MAPK9: variants seen among roughly 807,000 people sequenced by gnomAD.
MAPK9 encodes the protein mitogen-activated protein kinase 9.
A neutral mutation model predicts 57.1 loss-of-function variants in MAPK9; 30 were observed. The ratio of observed to expected loss-of-function variants is 0.53; its 90% CI spans 0.39 to 0.71. The LOEUF is 0.71. MAPK9 is among the 30% of genes least tolerant of loss of function. MAPK9 has a pLI of 0.00. For missense variants in MAPK9, 362 were observed against 521.0 expected (o/e 0.69, Z 2.97); for synonymous variants, 155 against 177.0 (o/e 0.88, Z 0.99).
chr5:180,251,981 G>A (rs1758757366), intron 5 of MAPK9, among the ~76,000 whole-genome samples: 1 of 152,142 alleles, frequency 6.6e-6, no homozygotes, highest in Admixed American at 6.5e-5. Flanking sequence ...CACCCACCGG[G>A]TAAGAACAGC....
intron 5 of MAPK9, among the ~76,000 whole-genome samples, chr5:180,252,238 G>A (rs1758789890): frequency 6.6e-6 from 1 of 152,126 alleles, no homozygotes; most frequent in Admixed American, 6.5e-5. Flanking sequence ...GGCGCTGTCT[G>A]GGCCTCTCTT....
intron 6 of MAPK9, among the ~76,000 whole-genome samples, chr5:180,248,360 C>T (rs917420206): frequency 5.3e-5 from 8 of 152,192 alleles, no homozygotes; most frequent in Non-Finnish European, 1.2e-4. Flanking sequence ...GAACCTGTAG[C>T]AAAACTCATT....
chr5:180,268,195 T>C (rs1760874183), intron 3 of MAPK9, among the ~76,000 whole-genome samples: 1 of 152,176 alleles, frequency 6.6e-6, no homozygotes, highest in Admixed American at 6.5e-5. Flanking sequence ...GAACAAACAA[T>C]GTGCTTGATT....
At chr5:180,243,880 C>T (rs939883509) in intron 7 of MAPK9, among the ~76,000 whole-genome samples, 14 of 152,214 alleles carry the variant, frequency 9.2e-5, no homozygotes, top group African/African-American at 3.4e-4. Flanking sequence ...CAGAGTCTCG[C>T]TCTGTCGCCC....
intron 1 of MAPK9, among the ~76,000 whole-genome samples, chr5:180,282,008 A>G (rs986310378): frequency 2.0e-5 from 3 of 152,196 alleles, no homozygotes; most frequent in African/African-American, 7.2e-5. Flanking sequence ...TGCCTAGCCC[A>G]CACTGCTGTG....
intron 1 of MAPK9, among the ~76,000 whole-genome samples, chr5:180,282,267 G>A (rs2127624649): frequency 6.6e-6 from 1 of 152,282 alleles, no homozygotes; most frequent in East Asian, 1.9e-4. Flanking sequence ...TTTGCAAGAG[G>A]CTGAAACAAT....
chr5:180,245,110 G>A (rs1380343594), intron 7 of MAPK9, among the ~76,000 whole-genome samples: 1 of 152,144 alleles, frequency 6.6e-6, no homozygotes, highest in African/African-American at 2.4e-5. Flanking sequence ...CCCTGCAAGT[G>A]CTCGCTACCA....
At chr5:180,288,964 G>A (rs903782989) in intron 1 of MAPK9, among the ~76,000 whole-genome samples, 11 of 152,106 alleles carry the variant, frequency 7.2e-5, no homozygotes, top group African/African-American at 2.7e-4. Context: ...TGTTGAAACT[G>A]GTTCATACAA....
chr5:180,275,360 G>A (rs1561837674), intron 2 of MAPK9, among the ~76,000 whole-genome samples: 1 of 152,192 alleles, frequency 6.6e-6, no homozygotes, highest in South Asian at 2.1e-4. Flanking sequence ...GAAGCTGAGT[G>A]GCAGTGCCTA....
chr5:180,254,970 T>C (rs1302699748), intron 5 of MAPK9, among the ~76,000 whole-genome samples: 1 of 151,300 alleles, frequency 6.6e-6, no homozygotes, highest in African/African-American at 2.4e-5. Context: ...AGAGGCAGAG[T>C]TTGCACTGAG....
At chr5:180,264,967 G>T in intron 3 of MAPK9, 128 bp from the exon 4 acceptor site, 1 of 660,822 alleles carries the variant, frequency 1.5e-6, no homozygotes, top group Non-Finnish European at 2.2e-6. Context: ...TATTATTACT[G>T]CTTTTACCAA....
intron 7 of MAPK9, 67 bp from the exon 8 acceptor site, chr5:180,242,822 C>G: frequency 7.8e-7 from 1 of 1,280,876 alleles, no homozygotes; most frequent in Non-Finnish European, 1.1e-6. Flanking sequence ...GGCAGCATCA[C>G]TTGAATAATA....
intron 2 of MAPK9, chr5:180,280,004 C>T (rs1223615674): frequency 2.2e-6 from 1 of 456,722 alleles, no homozygotes; most frequent in Non-Finnish European, 4.4e-6. Flanking sequence ...CCTCATCCTG[C>T]CAATGAATGG....
chr5:180,280,849 G>C (rs1410303981), intron 1 of MAPK9, among the ~76,000 whole-genome samples: 1 of 152,120 alleles, frequency 6.6e-6, no homozygotes, highest in Non-Finnish European at 1.5e-5. Flanking sequence ...GGCTGGACTA[G>C]AAAATAACCA....
At chr5:180,238,608 CTTTTTT>C (rs746336177) in intron 10 of MAPK9, among the ~76,000 whole-genome samples, 1 of 85,168 alleles carries the variant, frequency 1.2e-5, no homozygotes, top group African/African-American at 5.3e-5. Context: ...TCTTCTTCTT[CTTTTTT>C]TTTTTTTTTT....
At chr5:180,267,510 T>C (rs145825363) in intron 3 of MAPK9, among the ~76,000 whole-genome samples, 12,577 of 138,370 alleles carry the variant, frequency 0.091, 660 homozygotes, top group Admixed American at 0.15. Flanking sequence ...TGCAGTGAGC[T>C]GAGATCGCGC....
At chr5:180,241,412 C>T (rs1051677699) in intron 8 of MAPK9, among the ~76,000 whole-genome samples, 4 of 151,940 alleles carry the variant, frequency 2.6e-5, no homozygotes, top group South Asian at 2.1e-4. Context: ...ATTCTCCTAC[C>T]TCAGCCTCCC....
chr5:180,282,013 G>A (rs762027213), intron 1 of MAPK9, among the ~76,000 whole-genome samples: 23 of 152,208 alleles, frequency 1.5e-4, no homozygotes, highest in Non-Finnish European at 2.9e-4. Context: ...AGCCCACACT[G>A]CTGTGAGAAG....
Position 180,247,970 on chromosome 5 carries a change from C to A in MAPK9, c.617-460G>T. 2.5e-6 allele frequency: 4 copies of A among 1,590,472 alleles called. No individual in the cohort carries two copies. The highest frequency in any genetic ancestry group is 2.6e-6 in the Non-Finnish European group (3 of 1,166,150). ...TTAAAAACCAGCTAGAGTCCCCCAT[C>A]TTTTTTCTTCAAACCCCCTCCCAGG... On this transcript the variant is annotated intron_variant, in intron 6 of 11. Transcript: ENST00000452135. The surrounding 1 kb of genome is among the most constrained non-coding windows in gnomAD (Gnocchi z 4.5).
Sources: allele counts gnomAD v4.1 joint callset (sites outside exome capture counted in the v4.1 genomes callset), GRCh38; gene constraint gnomAD v4.1.1; non-coding constraint Gnocchi (gnomAD v3.1); transcripts MANE v1.5; gene names NCBI Gene and HGNC (gene_info 2026-07-23, HGNC 2026-07-21).